Variants in RALY observed in about 807,000 individuals in gnomAD.
The protein encoded by RALY is RALY heterogeneous nuclear ribonucleoprotein, also known as RNA-binding protein Raly.
In RALY, 15 loss-of-function variants were observed where a neutral mutation model predicts 30.7. The observed-to-expected ratio is 0.49, with a 90% CI of 0.33 to 0.75. The LOEUF (loss-of-function observed/expected upper bound fraction) is 0.75, where lower values mean the gene tolerates loss of function less well. Among genes scored for constraint, RALY ranks in the 30% least tolerant of loss-of-function variants. The pLI is 0.02. For synonymous variants in RALY, 177 were observed against 170.8 expected (o/e 1.04, Z -0.28); for missense variants, 339 against 414.3 (o/e 0.82, Z 1.58).
intron 1 of RALY, among the ~76,000 whole-genome samples, chr20:34,023,729 G>A (rs1210883019): frequency 6.6e-6 from 1 of 152,008 alleles, no homozygotes; most frequent in African/African-American, 2.4e-5. Context: ...TATCACAAGA[G>A]CCCCACAGTC....
intron 2 of RALY, among the ~76,000 whole-genome samples, chr20:34,034,136 C>G (rs1052240462): frequency 1.3e-5 from 2 of 152,204 alleles, no homozygotes; most frequent in Admixed American, 1.3e-4. Flanking sequence ...GGCTATTCCT[C>G]TTTTGGCCCT....
intron 1 of RALY, among the ~76,000 whole-genome samples, chr20:34,028,691 G>A (rs903852685): frequency 7.1e-5 from 8 of 112,468 alleles, no homozygotes; most frequent in South Asian, 6.2e-4. Flanking sequence ...GTGACAGAGC[G>A]AGAGACTCCA....
At chr20:34,064,893 C>T (rs2033524409) in intron 2 of RALY, among the ~76,000 whole-genome samples, 1 of 152,078 alleles carries the variant, frequency 6.6e-6, no homozygotes, top group Non-Finnish European at 1.5e-5. Context: ...ACTCTGAGGC[C>T]CAGCAAGTGA....
In RALY at chr20:34,081,894, A is replaced by C. The variant is rs1334172688; in HGVS notation, c.*1989A>C. The C allele has an allele frequency of 2.6e-5, 4 of 152,282 alleles. No individual in the cohort carries two copies. The highest frequency in any genetic ancestry group is 9.6e-5 in the African/African-American group (4 of 41,454). The allele number at this position is 152,282 out of a possible 1,614,324, so 9.4% of individuals were successfully genotyped here. On this transcript the variant is annotated 3_prime_UTR_variant, in exon 10 of 10. Transcript: ENST00000246194. Reference sequence around the variant, plus strand: ...CTGCCCCAGGGGGATCACGGTCCCCATATATTTGCTTGCCATGGACCCTGG... The same window carrying C: ...CTGCCCCAGGGGGATCACGGTCCCCCTATATTTGCTTGCCATGGACCCTGG...
intron 2 of RALY, among the ~76,000 whole-genome samples, chr20:34,033,788 C>T (rs1388469895): frequency 6.6e-6 from 1 of 152,196 alleles, no homozygotes; most frequent in Non-Finnish European, 1.5e-5. Flanking sequence ...AGTCCCTGAC[C>T]TGTTTGCCGC....
chr20:34,019,317 ACT>A (rs990085705), intron 1 of RALY, among the ~76,000 whole-genome samples: 4 of 151,266 alleles, frequency 2.6e-5, no homozygotes, highest in Admixed American at 6.6e-5. Flanking sequence ...ACACAGCGAG[ACT>A]CTGTCTCAAA....
At chr20:34,022,040 G>A (rs544709208) in intron 1 of RALY, among the ~76,000 whole-genome samples, 168 of 150,856 alleles carry the variant, frequency 1.1e-3, no homozygotes, top group African/African-American at 4.0e-3. Context: ...TTACAGGCAT[G>A]AGCCACCACA....
At chr20:34,052,979 G>T (rs548048475) in intron 2 of RALY, among the ~76,000 whole-genome samples, 1 of 152,296 alleles carries the variant, frequency 6.6e-6, no homozygotes, top group East Asian at 1.9e-4. Context: ...TTGGCATTTA[G>T]TGGGGCTATC....
intron 1 of RALY, among the ~76,000 whole-genome samples, chr20:33,999,738 G>A (rs931151793): frequency 4.6e-5 from 7 of 152,128 alleles, no homozygotes; most frequent in African/African-American, 1.7e-4. Context: ...GCGGTGGCCT[G>A]GGGAGAGGGT....
chr20:34,064,552 G>A (rs1321674744), intron 2 of RALY, among the ~76,000 whole-genome samples: 1 of 152,142 alleles, frequency 6.6e-6, no homozygotes, highest in Non-Finnish European at 1.5e-5. Context: ...ATGGGGCAGG[G>A]ACACCTTTGT....
At position 34,077,058 on chromosome 20, in the gene RALY, C is replaced by CCAGCGG. The variant is rs10649600; in HGVS notation, c.690_691insAGCGGC (p.Ala230_Gly231insSerGly). ...AAGAAGAAGGGTGATGGAGGTGGCG[C>CCAGCGG]CGGCGGCGGCGGCGGTGGTGGTGGC... On this transcript the variant is annotated inframe_insertion, in exon 8 of 10. Coordinates refer to ENST00000246194, the MANE Select transcript of RALY (RefSeq NM_016732.3). 549 of 1,589,224 alleles carry CCAGCGG rather than the reference C, an allele frequency of 3.5e-4. 1 individual carries two copies. In the African/African-American group the frequency reaches 5.6e-3, roughly 16 times the overall value.
At chr20:33,998,393 G>A (rs2030741971) in intron 1 of RALY, among the ~76,000 whole-genome samples, 1 of 152,222 alleles carries the variant, frequency 6.6e-6, no homozygotes, top group Admixed American at 6.5e-5. Flanking sequence ...AGATAAGACT[G>A]TTCTAGGTAG....
chr20:34,022,653 T>C (rs1286165988), intron 1 of RALY, among the ~76,000 whole-genome samples: 1 of 152,184 alleles, frequency 6.6e-6, no homozygotes, highest in Non-Finnish European at 1.5e-5. Flanking sequence ...ACTTCCTTTT[T>C]CCTTCAGCAC....
In RALY at chr20:34,076,013, G is replaced by A. The variant is rs2122315446; in HGVS notation, c.517G>A (p.Val173Ile). Residue 173 changes from valine to isoleucine, a missense_variant, in exon 6 of 10, where the codon GTC becomes ATC. Around this residue, in one of 2 missense-constraint regions of RALY, gnomAD observed 268 missense variants for 280.6 expected, o/e 0.95. Coordinates refer to ENST00000246194, the MANE Select transcript of RALY (RefSeq NM_016732.3). Reference sequence around the variant, plus strand: ...CAAGCTCTTTGCCCGCTCCACAGCTGTCACCACCAGCTCAGCCAAGATCAA... The same window carrying A: ...CAAGCTCTTTGCCCGCTCCACAGCTATCACCACCAGCTCAGCCAAGATCAA... The part of the protein sequence containing the change: ...PVKLFARSTA[V>I]TTSSAKIKLK... 6.2e-7 allele frequency: 1 copy of A among 1,614,184 alleles called. No homozygotes were observed. Among genetic ancestry groups the A allele is most frequent in the Non-Finnish European group, 8.5e-7 (1 of 1,180,008 alleles).
At chr20:34,018,247 G>A (rs988489933) in intron 1 of RALY, among the ~76,000 whole-genome samples, 4 of 152,218 alleles carry the variant, frequency 2.6e-5, no homozygotes, top group Non-Finnish European at 4.4e-5. Flanking sequence ...AGGTAGGGAG[G>A]AGAAGATTGA....
intron 1 of RALY, among the ~76,000 whole-genome samples, chr20:34,012,281 G>C (rs1179396937): frequency 6.6e-6 from 1 of 152,106 alleles, no homozygotes; most frequent in African/African-American, 2.4e-5. Context: ...CGTGGCAGGT[G>C]GTAATGTGCT....
At chr20:34,058,038 C>T (rs2033305627) in intron 2 of RALY, among the ~76,000 whole-genome samples, 1 of 151,650 alleles carries the variant, frequency 6.6e-6, no homozygotes, top group Admixed American at 6.6e-5. Flanking sequence ...TTTCTTTTAA[C>T]CAGTTGCAGT....
chr20:34,000,007 A>G (rs1368766578), intron 1 of RALY, among the ~76,000 whole-genome samples: 1 of 152,008 alleles, frequency 6.6e-6, no homozygotes, highest in African/African-American at 2.4e-5. Flanking sequence ...TTAGTTTGGC[A>G]TTGGTGAGGG....
rs1020790756 is a variant in RALY, at chr20:34,028,720, A to C, written c.-92-2802A>C. On this transcript the variant is annotated intron_variant, in intron 1 of 9. Coordinates refer to ENST00000246194, the MANE Select transcript of RALY (RefSeq NM_016732.3). ...GACTCCATCTCAAAAAAAAAAAAAA[A>C]AAAAAAAAAAAAAACATGGCAGAGA... Among the ~76,000 whole-genome samples the C allele has an allele frequency of 8.6e-5, 13 of 150,496 alleles. 1 individual carries two copies. Among genetic ancestry groups the C allele is most frequent in the Non-Finnish European group, 1.2e-4 (8 of 67,572 alleles).
Sources: allele counts gnomAD v4.1 joint callset (sites outside exome capture counted in the v4.1 genomes callset), GRCh38; gene constraint gnomAD v4.1.1; regional missense constraint gnomAD v4.1.1; transcripts MANE v1.5; gene names NCBI Gene and HGNC (gene_info 2026-07-23, HGNC 2026-07-21).